Variants in GCM1 observed in about 807,000 individuals in gnomAD.
The protein encoded by GCM1 is GCM transcription factor 1.
Under a neutral mutation model 25.7 loss-of-function variants are expected in GCM1, and 2 were observed. The observed-to-expected ratio is 0.08, with a 90% CI of 0.03 to 0.24. GCM1 has a LOEUF of 0.24. Among genes scored for constraint, GCM1 ranks in the 10% least tolerant of loss-of-function variants. The pLI is 1.00. For synonymous variants in GCM1, 183 were observed against 195.7 expected, an observed-to-expected ratio of 0.94 and a Z score of 0.54; for missense variants, 395 against 538.7, an observed-to-expected ratio of 0.73 and a Z score of 2.64.
At chr6:53,130,631 T>A (rs1294597252) in intron 5 of GCM1, among the ~76,000 whole-genome samples, 172 bp downstream of exon 5, 1 of 152,218 alleles carries the variant, frequency 6.6e-6, no homozygotes. Flanking sequence ...TGGTAGAAAG[T>A]AAGAGTAAAG....
rs771495205 is a variant in GCM1 at position 53,128,710 on chromosome 6, G to T, written c.807C>A (p.Ser269=). 6.8e-6 allele frequency: 11 copies of T among 1,614,106 alleles called. No homozygotes were observed. Among genetic ancestry groups the T allele is most frequent in the Non-Finnish European group, 9.3e-6 (11 of 1,179,938 alleles). ...PMKLYEKRKL[S]SSRTYSSGDL... ...CTCCACTACTGTAGGTTCTGCTACT[G>T]GACAATTTGCGCTTTTCATAGAGCT... is the stretch of plus-strand genomic sequence containing the variant. The change falls in exon 6 of 6, where the codon TCC becomes TCA. Residue 269 remains serine (S), a synonymous_variant. Coordinates refer to ENST00000259803, the MANE Select transcript of GCM1 (RefSeq NM_003643.4).
Position 53,133,888 on chromosome 6 carries a change from T to C in GCM1, c.328+184A>G, listed in dbSNP as rs534096483. Among the ~76,000 whole-genome samples, 76 of 152,312 alleles carry C rather than the reference T, an allele frequency of 5.0e-4. 1 individual carries two copies. In the South Asian group the frequency reaches 0.016, roughly 31 times the overall value. On this transcript the variant is annotated intron_variant, in intron 3 of 5. Transcript: ENST00000259803. ...TGGGTATGGCAGATATGTGGGGTCC[T>C]TGCTGGAGCACAAGGGATCTGGTTG...
At chr6:53,141,595 G>A (rs780087396) in intron 2 of GCM1, among the ~76,000 whole-genome samples, 5 of 152,116 alleles carry the variant, frequency 3.3e-5, no homozygotes, top group Non-Finnish European at 5.9e-5. Context: ...GCTGAGGCAG[G>A]AGAATGGTGT....
At chr6:53,140,867 C>T (rs1763862392) in intron 2 of GCM1, among the ~76,000 whole-genome samples, 1 of 152,204 alleles carries the variant, frequency 6.6e-6, no homozygotes, top group Admixed American at 6.5e-5. Flanking sequence ...GTGTGACACT[C>T]TCCAGGACCA....
At chr6:53,132,664 A>T (rs2127508438) in intron 3 of GCM1, among the ~76,000 whole-genome samples, 1 of 152,344 alleles carries the variant, frequency 6.6e-6, no homozygotes, top group Admixed American at 6.5e-5. Context: ...GTGAGCCGAG[A>T]TGGCACCAAT....
intron 2 of GCM1, among the ~76,000 whole-genome samples, chr6:53,139,583 A>C (rs1183178678): frequency 2.0e-5 from 3 of 151,758 alleles, no homozygotes; most frequent in Admixed American, 1.3e-4. Context: ...AAGACTCAGG[A>C]CAGGCCAGGC....
chr6:53,141,432 A>G (rs1763871398), intron 2 of GCM1, among the ~76,000 whole-genome samples: 1 of 152,118 alleles, frequency 6.6e-6, no homozygotes, highest in Non-Finnish European at 1.5e-5. Context: ...TCACACCTGT[A>G]ATCCCAGCAC....
intron 1 of GCM1, among the ~76,000 whole-genome samples, 168 bp from the exon 2 acceptor site, chr6:53,145,936 C>T (rs1480712119): frequency 3.3e-5 from 5 of 151,998 alleles, no homozygotes; most frequent in East Asian, 3.9e-4. Flanking sequence ...ACTTGGCCAT[C>T]GGGAATTAGA....
At chr6:53,131,890 T>A (rs951339734) in intron 4 of GCM1, 117 bp downstream of exon 4, 4 of 703,438 alleles carry the variant, frequency 5.7e-6, no homozygotes, top group Non-Finnish European at 7.9e-6. Context: ...AGATACTTGC[T>A]CTCTTAGAGT....
At chr6:53,131,937 G>A (rs550905629) in intron 4 of GCM1, 70 bp downstream of exon 4, 16 of 858,348 alleles carry the variant, frequency 1.9e-5, no homozygotes, top group Non-Finnish European at 3.0e-5. Context: ...CTCATTCACA[G>A]GTGCATTTCT....
intron 2 of GCM1, among the ~76,000 whole-genome samples, chr6:53,144,291 G>A (rs780041772): frequency 6.6e-6 from 1 of 151,746 alleles, no homozygotes; most frequent in Non-Finnish European, 1.5e-5. Flanking sequence ...CAGGAGTGGT[G>A]GCACATGCCT....
intron 3 of GCM1, among the ~76,000 whole-genome samples, chr6:53,133,554 C>T (rs1049269770): frequency 6.6e-6 from 1 of 152,062 alleles, no homozygotes; most frequent in African/African-American, 2.4e-5. Flanking sequence ...TGCAGTGGCT[C>T]CATTATGGCT....
chr6:53,136,900 TG>T (rs1562089381), intron 2 of GCM1, among the ~76,000 whole-genome samples: 2 of 151,796 alleles, frequency 1.3e-5, no homozygotes, highest in African/African-American at 4.8e-5. Flanking sequence ...CTCTTGAACC[TG>T]GGAGGTGGAG....
chr6:53,128,249 T>G lies in GCM1; in HGVS notation c.1268A>C (p.His423Pro). 1.2e-6 allele frequency: 2 copies of G among 1,612,278 alleles called. No individual in the cohort carries two copies. The highest frequency in any genetic ancestry group is 1.7e-6 in the Non-Finnish European group (2 of 1,179,910). The change falls in exon 6 of 6, where the codon CAC (histidine) becomes CCC (proline). Residue 423 changes from histidine (H) to proline (P), a missense_variant. Coordinates refer to ENST00000259803, the MANE Select transcript of GCM1 (RefSeq NM_003643.4). ...GTTCAGAAGCATATCATTGTTGCAG[T>G]GATCCAAACCCAAGTATGTCATTTC... is the stretch of plus-strand genomic sequence containing the variant. The part of the protein sequence containing the change: ...EEEMTYLGLD[H>P]CNNDMLLNLC...
chr6:53,145,296 C>A (rs6911244), intron 2 of GCM1, among the ~76,000 whole-genome samples: 1 of 152,180 alleles, frequency 6.6e-6, no homozygotes, highest in East Asian at 1.9e-4. Context: ...ACCTGAGTTA[C>A]GCCAACTTTG....
rs1382897181 is a variant in GCM1 at position 53,128,796 on chromosome 6, T to A, written c.721A>T (p.Ser241Cys). 2 of 1,613,710 alleles carry A rather than the reference T, an allele frequency of 1.2e-6. No homozygotes were observed. The highest frequency in any genetic ancestry group is 3.3e-5 in the Admixed American group (2 of 60,012). ...SLNDCFSFSKSYGLGGITDLT... is the reference protein window; with the variant it reads ...SLNDCFSFSKCYGLGGITDLT... ...TCTGTGATTCCTCCCAGACCATAAC[T>A]CTTGGAGAAGGAAAAGCAATCATTT... Residue 241 changes from serine (S) to cysteine (C), a missense_variant, in exon 6 of 6, where the codon AGT (serine) becomes TGT (cysteine). Ser to Cys is a moderately radical substitution (Grantham distance 112). Transcript: ENST00000259803.
In GCM1 at chr6:53,128,028, C is replaced by CAAAAAAAAAAAAAAAA. The variant is rs1223691364; in HGVS notation, c.*162_*177dup. ...TGGGCAAAAGAGCAAGACTCTGTCT[C>CAAAAAAAAAAAAAAAA]AAAAAAAAAAAAAAAAAAAAAAAAA... On this transcript the variant is annotated 3_prime_UTR_variant, in exon 6 of 6. Transcript: ENST00000259803. The CAAAAAAAAAAAAAAAA allele has an allele frequency of 5.4e-4, 36 of 66,430 alleles. No individual in the cohort carries two copies. Among genetic ancestry groups the CAAAAAAAAAAAAAAAA allele is most frequent in the African/African-American group, 1.1e-3 (10 of 9,518 alleles). The allele number at this position is 66,430 out of a possible 1,614,324, so 4.1% of individuals were successfully genotyped here. A position where few individuals can be genotyped will look rare whatever the true frequency, so the allele number is the denominator to read the frequency against.
chr6:53,145,487 G>A, intron 2 of GCM1, 71 bp downstream of exon 2: 1 of 842,112 alleles, frequency 1.2e-6, no homozygotes, highest in Non-Finnish European at 2.1e-6. Flanking sequence ...TTTCCTTCCA[G>A]GTCTCCGCAT....
intron 2 of GCM1, among the ~76,000 whole-genome samples, chr6:53,140,902 C>T (rs1763862687): frequency 6.6e-6 from 1 of 152,198 alleles, no homozygotes. Flanking sequence ...TAAATCAAGA[C>T]TAAATCAACA....
Sources: allele counts gnomAD v4.1 joint callset (sites outside exome capture counted in the v4.1 genomes callset), GRCh38; gene constraint gnomAD v4.1.1; transcripts MANE v1.5; gene names NCBI Gene and HGNC (gene_info 2026-07-23, HGNC 2026-07-21).